N4BP2L2: variants seen among roughly 807,000 people sequenced by gnomAD.
The protein encoded by N4BP2L2 is NEDD4 binding protein 2 like 2.
Under a neutral mutation model 56.2 loss-of-function variants are expected in N4BP2L2, and 50 were observed. The ratio of observed to expected loss-of-function variants is 0.89; its 90% CI spans 0.71 to 1.13. The LOEUF is 1.13. N4BP2L2 is among the 50% of genes most tolerant of loss of function. The pLI is 0.00. For missense variants in N4BP2L2, 689 were observed against 693.8 expected, an observed-to-expected ratio of 0.99 and a Z score of 0.08; for synonymous variants, 203 against 223.6, an observed-to-expected ratio of 0.91 and a Z score of 0.82.
At chr13:32,504,466 T>C (rs1470064771) in intron 6 of N4BP2L2, 1 of 152,232 alleles carries the variant, frequency 6.6e-6, no homozygotes, top group East Asian at 1.9e-4. Context: ...ACCATTCATA[T>C]TGGATTAGGG....
chr13:32,505,311 T>A (rs1380945207), downstream of N4BP2L2: 1 of 152,200 alleles, frequency 6.6e-6, no homozygotes, highest in African/African-American at 2.4e-5. Flanking sequence ...TATAACCCCA[T>A]CTCTATCCTG....
intron 6 of N4BP2L2, among the ~76,000 whole-genome samples, chr13:32,498,637 C>T (rs181633513): frequency 1.2e-4 from 18 of 152,046 alleles, no homozygotes; most frequent in East Asian, 1.9e-4. Flanking sequence ...CCACCACACC[C>T]GGACCTAGTA....
chr13:32,535,108 T>C (rs935110937), intron 2 of N4BP2L2, among the ~76,000 whole-genome samples: 1 of 152,214 alleles, frequency 6.6e-6, no homozygotes, highest in Non-Finnish European at 1.5e-5. Flanking sequence ...CAAAATTCCT[T>C]TCCTTGGGTC....
intron 6 of N4BP2L2, among the ~76,000 whole-genome samples, chr13:32,457,518 T>C (rs1442923589): frequency 1.3e-5 from 2 of 152,136 alleles, no homozygotes; most frequent in Non-Finnish European, 2.9e-5. Context: ...CCTATCAGAT[T>C]AACAGTGGAT....
At chr13:32,475,414 CAG>C (rs1350613948) in intron 6 of N4BP2L2, among the ~76,000 whole-genome samples, 7 of 152,166 alleles carry the variant, frequency 4.6e-5, no homozygotes, top group Non-Finnish European at 8.8e-5. Flanking sequence ...GGTCTCCAAA[CAG>C]AAAAAGGATT....
chr13:32,463,240 G>A (rs2080525488), intron 6 of N4BP2L2, among the ~76,000 whole-genome samples: 1 of 151,962 alleles, frequency 6.6e-6, no homozygotes, highest in Non-Finnish European at 1.5e-5. Context: ...TTGAAGACAG[G>A]GCAACTGATA....
chr13:32,492,893 T>C (rs540125983), intron 6 of N4BP2L2, among the ~76,000 whole-genome samples: 1 of 150,996 alleles, frequency 6.6e-6, no homozygotes, highest in African/African-American at 2.4e-5. Flanking sequence ...CAACAAAATG[T>C]GTGAATGTTT....
intron 2 of N4BP2L2, among the ~76,000 whole-genome samples, chr13:32,528,700 T>C (rs562244738): frequency 1.2e-4 from 18 of 152,262 alleles, no homozygotes; most frequent in African/African-American, 4.3e-4. Context: ...TTTGAGGGGA[T>C]TGGTGGGATG....
In N4BP2L2 at chr13:32,492,273, ATTTTTTTTT is replaced by A. The variant is rs72053635; in HGVS notation, c.365+25575_365+25583del. ...TTTCTACACATCCCAAAACACCAAA[ATTTTTTTTT>A]TTTTTTTTTTTTTTTTTTGACACAG... On this transcript the variant is annotated intron_variant, in intron 6 of 9. Coordinates refer to the N4BP2L2 transcript ENST00000357505. Among the ~76,000 whole-genome samples the A allele has an allele frequency of 4.1e-3, 298 of 72,150 alleles. 3 individuals carry two copies. The highest frequency in any genetic ancestry group is 0.016 in the African/African-American group (280 of 17,674). 47.3% of individuals were successfully genotyped at this position (72,150 alleles called of 152,430 possible). A position where few individuals can be genotyped will look rare whatever the true frequency, so the allele number is the denominator to read the frequency against.
chr13:32,536,465 C>A (rs1200688219), exon 2 of N4BP2L2: 1 of 1,612,564 alleles, frequency 6.2e-7, no homozygotes, highest in Non-Finnish European at 8.5e-7. Context: ...GTTCTCAAAA[C>A]CATCTTTTTC....
At chr13:32,438,757 C>T (rs900880568) in intron 7 of N4BP2L2, 5 of 1,538,092 alleles carry the variant, frequency 3.3e-6, no homozygotes, top group South Asian at 1.1e-5. Context: ...AAAGAAAGAC[C>T]TAATCTCATC....
chr13:32,458,896 A>G (rs776956673), intron 6 of N4BP2L2, among the ~76,000 whole-genome samples: 4 of 152,204 alleles, frequency 2.6e-5, no homozygotes, highest in Non-Finnish European at 5.9e-5. Context: ...GGGCCACAAA[A>G]TAAGTCTCAA....
chr13:32,468,218 G>T (rs1300241206), intron 6 of N4BP2L2, among the ~76,000 whole-genome samples: 1 of 142,922 alleles, frequency 7.0e-6, no homozygotes, highest in Non-Finnish European at 1.5e-5. Flanking sequence ...TGAGAGAATG[G>T]AATAGAACAT....
chr13:32,457,095 C>T (rs184272283), intron 6 of N4BP2L2, among the ~76,000 whole-genome samples: 43 of 152,164 alleles, frequency 2.8e-4, no homozygotes, highest in Non-Finnish European at 4.4e-4. Context: ...GCTGAGATCA[C>T]GCCACTGCAC....
chr13:32,467,349 C>T (rs2081415112), intron 6 of N4BP2L2, among the ~76,000 whole-genome samples: 1 of 151,946 alleles, frequency 6.6e-6, no homozygotes, highest in Non-Finnish European at 1.5e-5. Flanking sequence ...CCTCCGTCTC[C>T]TGGGTTCAAG....
At chr13:32,492,272 A>ATTTTTTTTTTTTTTTTT (rs1185615708) in intron 6 of N4BP2L2, among the ~76,000 whole-genome samples, 10 of 77,096 alleles carry the variant, frequency 1.3e-4, no homozygotes, top group African/African-American at 5.7e-4. Context: ...AAAACACCAA[A>ATTTTTTTTTTTTTTTTT]ATTTTTTTTT....
At chr13:32,522,805 T>C (rs1018021384) in intron 3 of N4BP2L2, 4 of 152,240 alleles carry the variant, frequency 2.6e-5, no homozygotes, top group African/African-American at 9.7e-5. Flanking sequence ...ATTTTATCTG[T>C]ATTTTCTCTT....
intron 6 of N4BP2L2, among the ~76,000 whole-genome samples, chr13:32,491,596 T>C (rs1156262631): frequency 6.8e-6 from 1 of 146,208 alleles, no homozygotes; most frequent in Non-Finnish European, 1.5e-5. Context: ...ATATATACTA[T>C]ATGTATAAAC....
intron 5 of N4BP2L2, among the ~76,000 whole-genome samples, chr13:32,519,324 G>A (rs2050134636): frequency 6.6e-6 from 1 of 151,488 alleles, no homozygotes; most frequent in Non-Finnish European, 1.5e-5. Flanking sequence ...TGGGTAGATC[G>A]CTTGAGTCCA....
Sources: gnomAD v4.1 joint callset for allele counts (sites outside exome capture counted in the v4.1 genomes callset) on GRCh38, gnomAD v4.1.1 for gene constraint, MANE v1.5 for transcripts, NCBI Gene and HGNC (gene_info 2026-07-23, HGNC 2026-07-21) for gene names.